Variants in ZNF736 observed in about 807,000 individuals in gnomAD.
ZNF736 encodes zinc finger protein 736, also known as KRAB-containing zinc-finger repressor protein.
In ZNF736, 6 loss-of-function variants were observed where a neutral mutation model predicts 11.7. That is an observed-to-expected ratio of 0.51 (90% confidence interval 0.28 to 1.01). The LOEUF is 1.01. ZNF736 is among the 50% of genes least tolerant of loss of function. The pLI is 0.09. For synonymous variants in ZNF736, 139 were observed against 164.7 expected (o/e 0.84, Z 1.19); for missense variants, 444 against 496.0 (o/e 0.90, Z 1.00).
At chr7:64,316,092 A>G (rs1255966347) in intron 1 of ZNF736, among the ~76,000 whole-genome samples, 9 of 152,158 alleles carry the variant, frequency 5.9e-5, no homozygotes, top group African/African-American at 2.2e-4. Context: ...TGGTCCAAGT[A>G]TTACAGCTTT....
chr7:64,350,033 G>A lies in ZNF736; in HGVS notation c.*886G>A, dbSNP rs1789465137. The A allele has an allele frequency of 6.6e-6, 1 of 151,144 alleles. No homozygotes were observed. Among genetic ancestry groups the A allele is most frequent in the Non-Finnish European group, 1.5e-5 (1 of 67,956 alleles). The allele number at this position is 151,144 out of a possible 1,614,324, so 9.4% of individuals were successfully genotyped here. ...ACCCTGGAGAATCTCATGATTATGT[G>A]TCTTGAGGATGACCTTCTCCTGGGG... is the stretch of plus-strand genomic sequence containing the variant. On this transcript the variant is annotated 3_prime_UTR_variant, in exon 4 of 4. Transcript: ENST00000423484.
intron 1 of ZNF736, among the ~76,000 whole-genome samples, chr7:64,323,744 G>A (rs7796802): frequency 0.3 from 45,881 of 151,890 alleles, 7,112 homozygotes; most frequent in African/African-American, 0.32. Context: ...GTCAGGGGGC[G>A]GGGAAAGCAT....
At chr7:64,329,404 C>G (rs962150402) in intron 1 of ZNF736, among the ~76,000 whole-genome samples, 2 of 152,010 alleles carry the variant, frequency 1.3e-5, no homozygotes, top group African/African-American at 4.8e-5. Context: ...AAAGGCTTTC[C>G]AAGTATTCAA....
intron 1 of ZNF736, among the ~76,000 whole-genome samples, chr7:64,324,905 A>G (rs1273346073): frequency 6.6e-6 from 1 of 152,264 alleles, no homozygotes; most frequent in Non-Finnish European, 1.5e-5. Flanking sequence ...GAATGTAAGT[A>G]CAAAATCTGG....
Position 64,351,847 on chromosome 7 carries a change from T to C in ZNF736, c.*2700T>C, listed in dbSNP as rs1462404473. ...AGCCCAGGATGGAAGATCTTTACTT[T>C]TGGCCAAGTTAGGGGTTTACTGTCT... On this transcript the variant is annotated 3_prime_UTR_variant, in exon 4 of 4. Transcript: ENST00000423484. 6.6e-6 allele frequency: 1 copy of C among 152,164 alleles called. No individual in the cohort carries two copies. The highest frequency in any genetic ancestry group is 1.9e-4 in the East Asian group (1 of 5,168). The allele number at this position is 152,164 out of a possible 1,614,324, so 9.4% of individuals were successfully genotyped here.
In ZNF736 at chr7:64,314,140, G is replaced by A. The variant is rs868705854; in HGVS notation, c.-11G>A. On this transcript the variant is annotated 5_prime_UTR_variant, in exon 1 of 4. Transcript: ENST00000423484. ...CATAGGGAGGACGGCGGAACATCTGGAGGCTGGGAAATGGTGAGTGCGTGG... is the reference window on the plus strand; with the variant it reads ...CATAGGGAGGACGGCGGAACATCTGAAGGCTGGGAAATGGTGAGTGCGTGG... 29 of 1,552,266 alleles carry A rather than the reference G, an allele frequency of 1.9e-5. No homozygotes were observed. In the Middle Eastern group the frequency reaches 4.2e-3, roughly 223 times the overall value.
chr7:64,345,924 T>C lies in ZNF736; in HGVS notation c.227-2166T>C, dbSNP rs563947315. ...GTCATCCATCTAGGAAAATGTTTCA[T>C]GAGCTATTGAAAAGAATGTGTATTC... On this transcript the variant is annotated intron_variant, in intron 3 of 3. Coordinates refer to ENST00000423484, the MANE Select transcript of ZNF736 (RefSeq NM_001170905.3). Among the ~76,000 whole-genome samples the C allele has an allele frequency of 3.4e-4, 52 of 152,312 alleles. 1 individual carries two copies. In the South Asian group the frequency reaches 9.5e-3, roughly 28 times the overall value.
rs1351603743 is a variant in ZNF736, at chr7:64,356,368, A to G, written c.*7221A>G. On this transcript the variant is annotated 3_prime_UTR_variant, in exon 4 of 4. Coordinates refer to ENST00000423484, the MANE Select transcript of ZNF736 (RefSeq NM_001170905.3). ...CATTCAGAATGTCACTTTCATAGATACTATGAATATCAATTGTCAAGTGTG... is the reference window on the plus strand; with the variant it reads ...CATTCAGAATGTCACTTTCATAGATGCTATGAATATCAATTGTCAAGTGTG... Among the ~76,000 whole-genome samples the G allele has an allele frequency of 6.6e-6, 1 of 152,206 alleles. No homozygotes were observed. Among genetic ancestry groups the G allele is most frequent in the Non-Finnish European group, 1.5e-5 (1 of 68,034 alleles).
At position 64,348,145 on chromosome 7, in the gene ZNF736, A is replaced by C. The variant is rs530949058; in HGVS notation, c.282A>C (p.Ser94=). 2.6e-6 allele frequency: 4 copies of C among 1,547,496 alleles called. No individual in the cohort carries two copies. In the South Asian group the frequency reaches 4.8e-5, roughly 19 times the overall value. ...EILPDHDIKD[S]FQKVILRKYG... ...TGCCGGATCATGACATAAAAGATTC[A>C]TTTCAAAAAGTGATTCTGAGAAAAT... Residue 94 remains serine, a synonymous_variant, in exon 4 of 4, where the codon TCA becomes TCC. Coordinates refer to ENST00000423484, the MANE Select transcript of ZNF736 (RefSeq NM_001170905.3).
Position 64,355,379 on chromosome 7 carries a change from CT to C in ZNF736, c.*6245del, listed in dbSNP as rs201484182. The C allele has an allele frequency of 0.22, 32,131 of 146,908 alleles. 3,872 individuals carry two copies. The highest frequency in any genetic ancestry group is 0.34 in the Admixed American group (5,059 of 14,752). 9.1% of individuals were successfully genotyped at this position (146,908 alleles called of 1,614,324 possible). A position where few individuals can be genotyped will look rare whatever the true frequency, so the allele number is the denominator to read the frequency against. ...ATTTCAAGTAGATTTAATTCTAGAT[CT>C]TTTTTTTTTTTTCTTTTTTTGAGAT... On this transcript the variant is annotated 3_prime_UTR_variant, in exon 4 of 4. Transcript: ENST00000423484.
chr7:64,336,131 A>G lies in ZNF736; in HGVS notation c.4-128A>G, dbSNP rs185698386. On this transcript the variant is annotated intron_variant, in intron 1 of 3. Transcript: ENST00000423484. ...ACACTAGAGAATATTTCTGTGCTAG[A>G]AAGTATCCTACTGGATAACTCCAGT... 991 of 1,060,270 alleles carry G rather than the reference A, an allele frequency of 9.3e-4. 4 individuals are homozygous for G. The African/African-American group carries it at 0.01, about 11-fold the overall frequency. 65.7% of individuals were successfully genotyped at this position (1,060,270 alleles called of 1,614,324 possible).
rs1789495061 is a variant in ZNF736 at position 64,351,974 on chromosome 7, T to G, written c.*2827T>G. On this transcript the variant is annotated 3_prime_UTR_variant, in exon 4 of 4. Coordinates refer to ENST00000423484, the MANE Select transcript of ZNF736 (RefSeq NM_001170905.3). ...AGGTGTGAATAAGGCACTTAGGGTT[T>G]GGGATTTTTTATTAGTCTGAGGGTA... 2 of 152,104 alleles carry G rather than the reference T, an allele frequency of 1.3e-5. No homozygotes were observed. Among genetic ancestry groups the G allele is most frequent in the African/African-American group, 4.8e-5 (2 of 41,410 alleles). 9.4% of individuals were successfully genotyped at this position (152,104 alleles called of 1,614,324 possible). A position where few individuals can be genotyped will look rare whatever the true frequency, so the allele number is the denominator to read the frequency against.
chr7:64,319,329 A>ATGTG (rs374489237), intron 1 of ZNF736, among the ~76,000 whole-genome samples: 2,106 of 50,450 alleles, frequency 0.042, 151 homozygotes, highest in Non-Finnish European at 0.047. Context: ...GTGTGTGTGT[A>ATGTG]TGTGTATATA....
rs1455594252 is a variant in ZNF736, at chr7:64,314,001, C to T, written c.-150C>T. ...TGGCGGGGCCTTTGTCTCCTAGCTTCCGGGCTCTGATCCTAGTTCGCGTCT... is the reference window on the plus strand; with the variant it reads ...TGGCGGGGCCTTTGTCTCCTAGCTTTCGGGCTCTGATCCTAGTTCGCGTCT... On this transcript the variant is annotated 5_prime_UTR_variant, in exon 1 of 4. Transcript: ENST00000423484. 2.8e-6 allele frequency: 3 copies of T among 1,080,974 alleles called. No homozygotes were observed. Among genetic ancestry groups the T allele is most frequent in the African/African-American group, 1.6e-5 (1 of 63,916 alleles). 67.0% of individuals were successfully genotyped at this position (1,080,974 alleles called of 1,614,324 possible).
rs1584281396 is a variant in ZNF736, at chr7:64,356,145, T to G, written c.*6998T>G. 1 of 152,426 alleles carries G rather than the reference T, an allele frequency of 6.6e-6. No homozygotes were observed. The highest frequency in any genetic ancestry group is 1.5e-5 in the Non-Finnish European group (1 of 68,036). 9.4% of individuals were successfully genotyped at this position (152,426 alleles called of 1,614,324 possible). A position where few individuals can be genotyped will look rare whatever the true frequency, so the allele number is the denominator to read the frequency against. On this transcript the variant is annotated 3_prime_UTR_variant, in exon 4 of 4. Transcript: ENST00000423484. ...CAAGAGCTGTTTGGCCTTATTTCTA[T>G]GCTGAAGCAGATTCTGAACGTCTTA...
At position 64,338,902 on chromosome 7, in the gene ZNF736, C is replaced by A. The variant is rs533577231; in HGVS notation, c.226+1920C>A. 9.9e-5 allele frequency among the ~76,000 whole-genome samples: 15 copies of A among 151,672 alleles called. No individual in the cohort carries two copies. In the East Asian group the frequency reaches 1.9e-3, roughly 20 times the overall value. On this transcript the variant is annotated intron_variant, in intron 3 of 3. Transcript: ENST00000423484. ...TACTATTAAAAAATTTTTAAAAGAA[C>A]CTACATACTAGATTTCATAATGTCT... is the stretch of plus-strand genomic sequence containing the variant.
intron 3 of ZNF736, among the ~76,000 whole-genome samples, chr7:64,338,236 A>ACT (rs1789287540): frequency 6.6e-6 from 1 of 152,220 alleles, no homozygotes; most frequent in Non-Finnish European, 1.5e-5. Context: ...CACAAATAAT[A>ACT]ATTGAATACC....
chr7:64,331,313 G>C (rs1440455816), intron 1 of ZNF736, among the ~76,000 whole-genome samples: 1 of 152,156 alleles, frequency 6.6e-6, no homozygotes, highest in Non-Finnish European at 1.5e-5. Flanking sequence ...TCTGCCCCAT[G>C]CTGCTTTCTG....
chr7:64,332,852 A>G (rs376541966), intron 1 of ZNF736, among the ~76,000 whole-genome samples: 4 of 152,292 alleles, frequency 2.6e-5, no homozygotes, highest in East Asian at 3.9e-4. Flanking sequence ...GAAGAAAAAT[A>G]TGGCTCTTTT....
Sources: gnomAD v4.1 joint callset for allele counts (sites outside exome capture counted in the v4.1 genomes callset) on GRCh38, gnomAD v4.1.1 for gene constraint, MANE v1.5 for transcripts, NCBI Gene and HGNC (gene_info 2026-07-23, HGNC 2026-07-21) for gene names.